The following ACAT2 variants were observed in gnomAD, a reference collection of about 807,000 sequenced individuals.
The protein encoded by ACAT2 is acetyl-CoA acetyltransferase 2.
In ACAT2, 26 loss-of-function variants were observed where a neutral mutation model predicts 37.1. The ratio of observed to expected loss-of-function variants is 0.70; its 90% confidence interval spans 0.51 to 0.97. The LOEUF (loss-of-function observed/expected upper bound fraction) is 0.97. Ranked by LOEUF, ACAT2 falls within the 50% of genes least tolerant of loss-of-function variation. The pLI is 0.00. For synonymous variants in ACAT2, 156 were observed against 163.6 expected (o/e 0.95, Z 0.35); for missense variants, 468 against 489.0 (o/e 0.96, Z 0.40).
intron 5 of ACAT2, 38 bp downstream of exon 5, chr6:159,775,351 A>G (rs1467138251): frequency 5.6e-6 from 9 of 1,599,584 alleles, no homozygotes; most frequent in African/African-American, 1.3e-5. Context: ...CAACCTATTT[A>G]TAGGTAAGAG....
At chr6:159,771,335 A>G (rs1426660910) in intron 4 of ACAT2, among the ~76,000 whole-genome samples, 3 of 152,154 alleles carry the variant, frequency 2.0e-5, no homozygotes, top group Admixed American at 2.0e-4. Flanking sequence ...AGCTGAGATC[A>G]CGCCATTGCA....
intron 4 of ACAT2, among the ~76,000 whole-genome samples, chr6:159,774,935 G>C (rs1329022255): frequency 1.3e-5 from 2 of 152,176 alleles, no homozygotes; most frequent in Non-Finnish European, 2.9e-5. Flanking sequence ...ATTTCTGTAA[G>C]TTTACAATTA....
intron 1 of ACAT2, 90 bp from the exon 2 acceptor site, chr6:159,762,829 A>C: frequency 1.3e-6 from 2 of 1,596,978 alleles, no homozygotes; most frequent in East Asian, 4.5e-5. Flanking sequence ...TGGCCTTGCC[A>C]AACAGGGTCA....
rs1299945795 is a variant in ACAT2, at chr6:159,768,596, A to G, written c.458A>G (p.Asp153Gly). Residue 153 changes from aspartate to glycine, a missense_variant, in exon 4 of 9, where the codon GAT becomes GGT. By Grantham distance (94) the Asp-to-Gly change is moderately conservative. Transcript: ENST00000367048. ...AGTATACTCTGTGATGGTCTTACAGATGCATTTCACAACTGTCATATGGGT... is the reference window on the plus strand; with the variant it reads ...AGTATACTCTGTGATGGTCTTACAGGTGCATTTCACAACTGTCATATGGGT... ...TDSILCDGLT[D>G]AFHNCHMGIT... The G allele has an allele frequency of 1.2e-6, 2 of 1,613,028 alleles. No individual in the cohort carries two copies. Among genetic ancestry groups the G allele is most frequent in the East Asian group, 2.2e-5 (1 of 44,884 alleles).
At chr6:159,775,995 G>A in intron 5 of ACAT2, 155 bp from the exon 6 acceptor site, 1 of 744,376 alleles carries the variant, frequency 1.3e-6, no homozygotes, top group Non-Finnish European at 2.2e-6. Flanking sequence ...TAATTCTTGT[G>A]TGTACTTTCC....
intron 1 of ACAT2, chr6:159,762,423 G>T (rs908239267): frequency 2.9e-6 from 4 of 1,370,926 alleles, no homozygotes; most frequent in South Asian, 1.5e-5. Flanking sequence ...ATTGGTTGGC[G>T]TAGGGAGGTG....
intron 2 of ACAT2, among the ~76,000 whole-genome samples, chr6:159,764,026 G>A (rs1308176019): frequency 3.3e-5 from 5 of 151,626 alleles, no homozygotes; most frequent in Non-Finnish European, 4.4e-5. Context: ...GCGTGAACCC[G>A]GGAGGCGGAG....
At chr6:159,770,536 G>A (rs1266765194) in intron 4 of ACAT2, among the ~76,000 whole-genome samples, 1 of 152,174 alleles carries the variant, frequency 6.6e-6, no homozygotes, top group Non-Finnish European at 1.5e-5. Context: ...ATGGGGCCGG[G>A]CATGGTGGCT....
At chr6:159,778,576 C>T (rs924133892) in intron 8 of ACAT2, 83 bp from the exon 9 acceptor site, 2 of 1,451,606 alleles carry the variant, frequency 1.4e-6, no homozygotes, top group South Asian at 1.3e-5. Flanking sequence ...CATGCTGATA[C>T]ATTAAGAGGA....
chr6:159,766,395 AC>A (rs77560449), intron 2 of ACAT2, among the ~76,000 whole-genome samples: 1 of 148,460 alleles, frequency 6.7e-6, no homozygotes, highest in East Asian at 2.0e-4. Context: ...TTATTTAAGC[AC>A]CCCCCCGCAC....
In ACAT2 at chr6:159,767,127, T is replaced by A. The variant is rs1451417979; in HGVS notation, c.313T>A (p.Ser105Thr). ...GLKAVCLAVQ[S>T]IGIGDSSIVV... ...AAAAGCTGTGTGCCTTGCAGTCCAG[T>A]CAATAGGGATAGGAGACTCCAGCAT... The change falls in exon 3 of 9, where the codon TCA (serine) becomes ACA (threonine). Residue 105 changes from serine (S) to threonine (T), a missense_variant. Transcript: ENST00000367048. 10 of 1,614,174 alleles carry A rather than the reference T, an allele frequency of 6.2e-6. No homozygotes were observed. The highest frequency in any genetic ancestry group is 1.7e-5 in the Admixed American group (1 of 60,024).
rs1780499806 is a variant in ACAT2 at position 159,778,850 on chromosome 6, C to A, written c.*21C>A. On this transcript the variant is annotated 3_prime_UTR_variant, in exon 9 of 9. Transcript: ENST00000367048. ...AATGAATTGCTTAAACTTTGAACAACCTCAATTTCTTTTTAAACTAATAAA... is the reference window on the plus strand; with the variant it reads ...AATGAATTGCTTAAACTTTGAACAAACTCAATTTCTTTTTAAACTAATAAA... The A allele has an allele frequency of 6.2e-7, 1 of 1,613,480 alleles. No individual in the cohort carries two copies. The highest frequency in any genetic ancestry group is 1.3e-5 in the African/African-American group (1 of 74,894).
chr6:159,763,629 C>CTTTTTTTTTTTTTTTTTTTTTTTTT, intron 2 of ACAT2, among the ~76,000 whole-genome samples: 1 of 76,376 alleles, frequency 1.3e-5, no homozygotes, highest in Non-Finnish European at 2.4e-5. Context: ...TTTTCTTTTC[C>CTTTTTTTTTTTTTTTTTTTTTTTTT]TTTTTTTTTT....
At chr6:159,763,143 C>A (rs751508073) in intron 2 of ACAT2, 90 bp downstream of exon 2, 9 of 1,491,418 alleles carry the variant, frequency 6.0e-6, no homozygotes, top group Non-Finnish European at 8.1e-6. Context: ...CACTCACACA[C>A]TCTCTCACTC....
chr6:159,766,986 T>G lies in ACAT2; in HGVS notation c.191-19T>G, dbSNP rs773100411. 6.2e-7 allele frequency: 1 copy of G among 1,613,476 alleles called. No homozygotes were observed. Among genetic ancestry groups the G allele is most frequent in the African/African-American group, 1.3e-5 (1 of 74,910 alleles). On this transcript the variant is annotated intron_variant, in intron 2 of 8. Transcript: ENST00000367048. Reference sequence around the variant, plus strand: ...CTTTCTCCTTGATTGCTAAGAGTCCTCTGTGTTCCTCTTTCTAGGCTGTGG... The same window carrying G: ...CTTTCTCCTTGATTGCTAAGAGTCCGCTGTGTTCCTCTTTCTAGGCTGTGG...
intron 3 of ACAT2, 122 bp from the exon 4 acceptor site, chr6:159,768,389 G>GCCTA (rs1267466434): frequency 1.4e-6 from 1 of 731,786 alleles, no homozygotes; most frequent in African/African-American, 1.7e-5. Flanking sequence ...CTAGAACTGG[G>GCCTA]GAGAAGGGCT....
chr6:159,775,183 CA>C lies in ACAT2; in HGVS notation c.510del (p.Lys170AsnfsTer4), dbSNP rs774923207. ...HMGITAENVA[K>X]KWQVSREDQD... ...CTCCTTTCCCAGCTGAAAATGTAGC[CA>C]AAAAATGGCAAGTGAGTAGAGAAGA... On this transcript the variant is annotated frameshift_variant, in exon 5 of 9. Coordinates refer to ENST00000367048, the MANE Select transcript of ACAT2 (RefSeq NM_005891.3). LOFTEE classifies it high-confidence loss of function. The C allele has an allele frequency of 2.5e-6, 4 of 1,612,706 alleles. No individual in the cohort carries two copies. Among genetic ancestry groups the C allele is most frequent in the Non-Finnish European group, 3.4e-6 (4 of 1,179,502 alleles).
At position 159,775,252 on chromosome 6, in the gene ACAT2, T is replaced by G. The variant is rs755862093; in HGVS notation, c.573T>G (p.Asn191Lys). Residue 191 changes from asparagine (N) to lysine (K), a missense_variant, in exon 5 of 9, where the codon AAT (asparagine) becomes AAG (lysine). Physicochemically the swap from Asn to Lys is moderately conservative, Grantham distance 94. Coordinates refer to ENST00000367048, the MANE Select transcript of ACAT2 (RefSeq NM_005891.3). Reference sequence around the variant, plus strand: ...TTCTGTCCCAGAACAGGACAGAGAATGCACAGAAAGCTGGCCATTTTGACA... The same window carrying G: ...TTCTGTCCCAGAACAGGACAGAGAAGGCACAGAAAGCTGGCCATTTTGACA... ...VAVLSQNRTE[N>K]AQKAGHFDKE... 64 of 1,614,068 alleles carry G rather than the reference T, an allele frequency of 4.0e-5. No homozygotes were observed. The highest frequency in any genetic ancestry group is 2.0e-5 in the Non-Finnish European group (24 of 1,180,028).
chr6:159,767,734 A>T (rs1260327972), intron 3 of ACAT2, among the ~76,000 whole-genome samples: 3 of 152,200 alleles, frequency 2.0e-5, no homozygotes, highest in Non-Finnish European at 4.4e-5. Context: ...CTTCCTACTG[A>T]TGCAGCTCAG....
Sources: allele counts gnomAD v4.1 joint callset (sites outside exome capture counted in the v4.1 genomes callset), GRCh38; gene constraint gnomAD v4.1.1; transcripts MANE v1.5; gene names NCBI Gene and HGNC (gene_info 2026-07-23, HGNC 2026-07-21).